Variants in CRTC3 observed in about 807,000 individuals in gnomAD.
CRTC3 encodes CREB regulated transcription coactivator 3.
A neutral mutation model predicts 74.5 loss-of-function variants in CRTC3; 26 were observed. That is an observed-to-expected ratio of 0.35 (90% CI 0.26 to 0.48). The LOEUF is 0.48. CRTC3 is among the 20% of genes least tolerant of loss of function. The pLI, the probability that CRTC3 is intolerant of heterozygous loss-of-function variation, is 0.99. For missense variants in CRTC3, 760 were observed against 787.3 expected, an observed-to-expected ratio of 0.97 and a Z score of 0.41; for synonymous variants, 377 against 325.8, an observed-to-expected ratio of 1.16 and a Z score of -1.69.
intron 7 of CRTC3, among the ~76,000 whole-genome samples, chr15:90,615,248 CAT>C (rs1475445041): frequency 2.0e-5 from 3 of 152,082 alleles, no homozygotes; most frequent in Non-Finnish European, 4.4e-5. Context: ...CCAATTAAAA[CAT>C]TGTTGGAGAT....
intron 1 of CRTC3, among the ~76,000 whole-genome samples, chr15:90,535,906 G>A (rs988036697): frequency 2.0e-5 from 3 of 152,188 alleles, no homozygotes; most frequent in African/African-American, 7.2e-5. Context: ...TGCAGAGCTG[G>A]TAAGTGGTAG....
chr15:90,560,973 A>G (rs1289863677), intron 2 of CRTC3, among the ~76,000 whole-genome samples: 1 of 152,182 alleles, frequency 6.6e-6, no homozygotes, highest in Non-Finnish European at 1.5e-5. Flanking sequence ...AATATGTCAA[A>G]ATAAACAAAA....
intron 1 of CRTC3, among the ~76,000 whole-genome samples, chr15:90,535,598 C>T (rs1224485393): frequency 6.6e-6 from 1 of 152,170 alleles, no homozygotes; most frequent in Non-Finnish European, 1.5e-5. Context: ...CTCAGCATAT[C>T]ACCCTGGAGT....
chr15:90,541,002 G>C (rs1966793251), intron 2 of CRTC3, among the ~76,000 whole-genome samples: 1 of 152,190 alleles, frequency 6.6e-6, no homozygotes, highest in African/African-American at 2.4e-5. Context: ...GCAGGTGTAA[G>C]ACACAGATAA....
chr15:90,566,991 G>A (rs1555448027), intron 2 of CRTC3, among the ~76,000 whole-genome samples: 1 of 152,122 alleles, frequency 6.6e-6, no homozygotes, highest in Admixed American at 6.5e-5. Flanking sequence ...GATTGCAGGT[G>A]TGAGCCACCG....
intron 2 of CRTC3, among the ~76,000 whole-genome samples, chr15:90,561,615 T>C (rs1596084199): frequency 6.6e-6 from 1 of 152,300 alleles, no homozygotes; most frequent in East Asian, 1.9e-4. Context: ...AATTCAATCA[T>C]ATTAGTATGA....
intron 3 of CRTC3, among the ~76,000 whole-genome samples, chr15:90,599,912 A>T (rs775153713): frequency 6.6e-6 from 1 of 152,212 alleles, no homozygotes; most frequent in Admixed American, 6.5e-5. Flanking sequence ...GATTCATCAA[A>T]TCTGCAGAAA....
intron 7 of CRTC3, among the ~76,000 whole-genome samples, chr15:90,617,177 C>G (rs535380594): frequency 8.2e-4 from 125 of 152,338 alleles, no homozygotes; most frequent in African/African-American, 2.8e-3. Flanking sequence ...AGGGCTCCCC[C>G]CAGTGCCCAG....
chr15:90,598,308 G>C lies in CRTC3; in HGVS notation c.352-4016G>C. On this transcript the variant is annotated intron_variant, in intron 3 of 14. Coordinates refer to ENST00000268184, the MANE Select transcript of CRTC3 (RefSeq NM_022769.5). ...AGCAGCACAAAGAAAGGGCCAGGGC[G>C]GGTCTTGTTTTCAGCTTCTGTGGCT... 3 of 648,496 alleles carry C rather than the reference G, an allele frequency of 4.6e-6. No individual in the cohort carries two copies. In the South Asian group the frequency reaches 5.2e-5, roughly 11 times the overall value. The allele number at this position is 648,496 out of a possible 1,614,324, so 40.2% of individuals were successfully genotyped here.
In CRTC3 at chr15:90,530,582, C is replaced by G. The variant is rs1966610231; in HGVS notation, c.132+379C>G. ...TGGCGCGGCGCGGCTTCTGGTCGCT[C>G]CGAACATCCCCCACCATCGAGCCCT... On this transcript the variant is annotated intron_variant, in intron 1 of 14. Transcript: ENST00000268184. The surrounding 1 kb of genome is among the most constrained non-coding windows in gnomAD (Gnocchi z 6.2). The G allele has an allele frequency of 6.6e-6, 1 of 152,330 alleles. No homozygotes were observed. The highest frequency in any genetic ancestry group is 2.4e-5 in the African/African-American group (1 of 41,420). The allele number at this position is 152,330 out of a possible 1,614,324, so 9.4% of individuals were successfully genotyped here.
intron 2 of CRTC3, among the ~76,000 whole-genome samples, chr15:90,557,276 C>T (rs1048190097): frequency 6.6e-6 from 1 of 152,138 alleles, no homozygotes; most frequent in Non-Finnish European, 1.5e-5. Context: ...ACTGCCAGCA[C>T]CCCCTCACAG....
At chr15:90,607,500 T>A in intron 6 of CRTC3, 22 bp downstream of exon 6, 1 of 1,398,496 alleles carries the variant, frequency 7.2e-7, no homozygotes, top group Middle Eastern at 1.8e-4. Flanking sequence ...AGGCCACTGC[T>A]GACAGCAGCT....
At chr15:90,586,344 T>C (rs1346641759) in intron 2 of CRTC3, among the ~76,000 whole-genome samples, 1 of 150,750 alleles carries the variant, frequency 6.6e-6, no homozygotes. Flanking sequence ...ATATATTTTT[T>C]AAAACTTGGT....
intron 1 of CRTC3, among the ~76,000 whole-genome samples, chr15:90,539,389 G>GT (rs1966768436): frequency 1.4e-5 from 2 of 147,572 alleles, no homozygotes; most frequent in South Asian, 4.4e-4. Flanking sequence ...ATATCAATGA[G>GT]TTTTTTTGGT....
chr15:90,638,959 A>G (rs1189252668), intron 13 of CRTC3, 144 bp downstream of exon 13: 2 of 713,450 alleles, frequency 2.8e-6, no homozygotes, highest in Admixed American at 4.9e-5. Flanking sequence ...AGAGCCTTTC[A>G]TCTTCTTTGG....
At chr15:90,606,510 C>T (rs764592606) in intron 5 of CRTC3, among the ~76,000 whole-genome samples, 2 of 151,388 alleles carry the variant, frequency 1.3e-5, no homozygotes, top group East Asian at 1.9e-4. Context: ...TGCAGTGAGC[C>T]GAGATCACAC....
chr15:90,616,873 CCT>C (rs903996848), intron 7 of CRTC3, among the ~76,000 whole-genome samples: 3 of 152,160 alleles, frequency 2.0e-5, no homozygotes, highest in Non-Finnish European at 4.4e-5. Context: ...GTTGTTGGTT[CCT>C]CTTTGTCCCC....
intron 11 of CRTC3, chr15:90,634,654 C>G: frequency 1.8e-6 from 1 of 558,282 alleles, no homozygotes; most frequent in Non-Finnish European, 3.2e-6. Flanking sequence ...TGTTTAAGAA[C>G]AGGACACTGA....
At chr15:90,637,213 A>C (rs1357318003) in intron 11 of CRTC3, among the ~76,000 whole-genome samples, 4 of 152,254 alleles carry the variant, frequency 2.6e-5, no homozygotes, top group Non-Finnish European at 5.9e-5. Context: ...ACCATGGAAT[A>C]CTATGCAGCC....
Sources: allele counts gnomAD v4.1 joint callset (sites outside exome capture counted in the v4.1 genomes callset), GRCh38; gene constraint gnomAD v4.1.1; non-coding constraint Gnocchi (gnomAD v3.1); transcripts MANE v1.5; gene names NCBI Gene and HGNC (gene_info 2026-07-23, HGNC 2026-07-21).